Variants in NEXMIF observed in about 807,000 individuals in gnomAD.
The protein encoded by NEXMIF is XLMR protein related to neurite extension.
In NEXMIF, 8 loss-of-function variants were observed where a neutral mutation model predicts 62.1. That is an observed-to-expected ratio of 0.13 (90% confidence interval 0.08 to 0.23). The LOEUF (loss-of-function observed/expected upper bound fraction) is 0.23. Ranked by LOEUF, NEXMIF falls within the 10% of genes least tolerant of loss-of-function variation. The probability of loss-of-function intolerance (pLI) is 1.00; values close to 1 mark genes in which losing one functional copy is unlikely to be tolerated. For synonymous variants in NEXMIF, 404 were observed against 416.6 expected (o/e 0.97, Z 0.37); for missense variants, 976 against 1,113.3 (o/e 0.88, Z 1.75).
rs186218453 is a variant in NEXMIF, at chrX:74,856,245, C to T, written c.-48+68638G>A. Among the ~76,000 whole-genome samples the T allele has an allele frequency of 3.3e-3, 373 of 112,086 alleles. 2 individuals carry two copies. The highest frequency in any genetic ancestry group is 0.012 in the African/African-American group (356 of 30,857). ...AATAAAGACACATAAGTTGTAAAGA[C>T]AAAGTAGACATTCTAGACTCAAAAG... On this transcript the variant is annotated intron_variant, in intron 1 of 3. Coordinates refer to ENST00000055682, the MANE Select transcript of NEXMIF (RefSeq NM_001008537.3).
chrX:74,805,141 T>A (rs1236590406), intron 1 of NEXMIF, among the ~76,000 whole-genome samples: 1 of 112,130 alleles, frequency 8.9e-6, no homozygotes, highest in African/African-American at 3.2e-5. Context: ...TATCTGCAAT[T>A]CAAGACTGTA....
At chrX:74,920,776 T>C (rs1311802987) in intron 1 of NEXMIF, among the ~76,000 whole-genome samples, 1 of 111,914 alleles carries the variant, frequency 8.9e-6, no homozygotes. Flanking sequence ...CGTTTAAGTC[T>C]TTACACCTGT....
Position 74,736,350 on chromosome X carries a change from C to A in NEXMIF, c.*3055G>T, listed in dbSNP as rs926842043. The stretch of plus-strand genomic sequence containing the variant: ...GACCATAAAAGAAAAATTCTAAGAC[C>A]AAGGTCTGAGATTAAGTAAGAAGAA... On this transcript the variant is annotated 3_prime_UTR_variant, in exon 4 of 4. Coordinates refer to ENST00000055682, the MANE Select transcript of NEXMIF (RefSeq NM_001008537.3). 1 of 110,472 alleles carries A rather than the reference C, an allele frequency of 9.1e-6. No homozygotes were observed. Among genetic ancestry groups the A allele is most frequent in the African/African-American group, 3.3e-5 (1 of 30,359 alleles). The allele number at this position is 110,472 out of a possible 1,213,427, so 9.1% of individuals were successfully genotyped here.
intron 1 of NEXMIF, among the ~76,000 whole-genome samples, chrX:74,808,122 G>A (rs1489839320): frequency 9.0e-6 from 1 of 111,020 alleles, no homozygotes. Context: ...TTCTACTTGG[G>A]GCTGGGTGCA....
At chrX:74,818,423 CAGA>C (rs1295164610) in intron 1 of NEXMIF, among the ~76,000 whole-genome samples, 1 of 111,839 alleles carries the variant, frequency 8.9e-6, no homozygotes, top group African/African-American at 3.2e-5. Context: ...TAGCCATGTG[CAGA>C]AGATTAAAAC....
rs1434967747 is a variant in NEXMIF, at chrX:74,841,565, A to G, written c.-48+83318T>C. 2.7e-5 allele frequency among the ~76,000 whole-genome samples: 3 copies of G among 111,680 alleles called. No homozygotes were observed. The East Asian group carries it at 8.5e-4, about 31-fold the overall frequency. On this transcript the variant is annotated intron_variant, in intron 1 of 3. Coordinates refer to ENST00000055682, the MANE Select transcript of NEXMIF (RefSeq NM_001008537.3). ...CATCCTTGTCTTGTGCTGGTTTTCA[A>G]GGGGTATGCTTCCAGCTTTTCCCCA...
At chrX:74,835,447 TGAG>T (rs2080453209) in intron 1 of NEXMIF, among the ~76,000 whole-genome samples, 1 of 111,915 alleles carries the variant, frequency 8.9e-6, no homozygotes, top group East Asian at 2.8e-4. Context: ...CTGCCTTTCT[TGAG>T]GAGGCTTTAC....
intron 1 of NEXMIF, among the ~76,000 whole-genome samples, chrX:74,877,451 A>C (rs2080641008): frequency 9.0e-6 from 1 of 111,035 alleles, no homozygotes; most frequent in African/African-American, 3.3e-5. Flanking sequence ...ACTTTGGTGA[A>C]TCTGACAATT....
rs2080077907 is a variant in NEXMIF at position 74,733,530 on chromosome X, T to A, written c.*5875A>T. ...GTTTTATTTGGGACATAGATTTAATTAGAAATGGTTTGATTTCTAATACAT... is the reference window on the plus strand; with the variant it reads ...GTTTTATTTGGGACATAGATTTAATAAGAAATGGTTTGATTTCTAATACAT... On this transcript the variant is annotated 3_prime_UTR_variant, in exon 4 of 4. Coordinates refer to ENST00000055682, the MANE Select transcript of NEXMIF (RefSeq NM_001008537.3). The A allele has an allele frequency of 8.9e-6, 1 of 112,357 alleles. No homozygotes were observed. Among genetic ancestry groups the A allele is most frequent in the Non-Finnish European group, 1.9e-5 (1 of 53,245 alleles). The allele number at this position is 112,357 out of a possible 1,213,427, so 9.3% of individuals were successfully genotyped here.
chrX:74,880,881 T>A (rs1295287638), intron 1 of NEXMIF, among the ~76,000 whole-genome samples: 1 of 111,659 alleles, frequency 9.0e-6, no homozygotes, highest in South Asian at 3.8e-4. Flanking sequence ...CATCAGTGAC[T>A]GGGTTTGTCA....
chrX:74,802,352 C>T (rs1309634527), intron 1 of NEXMIF, among the ~76,000 whole-genome samples: 1 of 111,286 alleles, frequency 9.0e-6, no homozygotes, highest in Non-Finnish European at 1.9e-5. Context: ...CTCCAGGTGG[C>T]TCAGAACAGA....
chrX:74,744,464 C>T lies in NEXMIF; in HGVS notation c.93G>A (p.Gln31=), dbSNP rs903923211. The T allele has an allele frequency of 2.5e-6, 3 of 1,189,462 alleles. No individual in the cohort carries two copies. Among genetic ancestry groups the T allele is most frequent in the African/African-American group, 3.6e-5 (2 of 56,207 alleles). ...CTGCAAATGACTTCATTGCCACATCCTGGTCCTCTGAGTCTAGAAAAAAGG... is the reference window on the plus strand; with the variant it reads ...CTGCAAATGACTTCATTGCCACATCTTGGTCCTCTGAGTCTAGAAAAAAGG... ...NGVKENDSED[Q]DVAMKSFAAL... Residue 31 remains glutamine, a synonymous_variant, in exon 3 of 4, where the codon CAG becomes CAA. Transcript: ENST00000055682.
chrX:74,780,532 C>A lies in NEXMIF; in HGVS notation c.-47-34835G>T, dbSNP rs180756591. ...TACAGGCGTGTGCCACCATGCCTGG[C>A]TAATTTTTTTTTTTTTGTATTTTCT... On this transcript the variant is annotated intron_variant, in intron 1 of 3. Transcript: ENST00000055682. 8.4e-4 allele frequency among the ~76,000 whole-genome samples: 90 copies of A among 107,714 alleles called. 1 individual carries two copies. Among genetic ancestry groups the A allele is most frequent in the African/African-American group, 2.5e-3 (73 of 29,095 alleles). 93.5% of individuals were successfully genotyped at this position (107,714 alleles called of 115,157 possible).
chrX:74,921,626 T>C (rs946354239), intron 1 of NEXMIF, among the ~76,000 whole-genome samples: 1 of 111,488 alleles, frequency 9.0e-6, no homozygotes, highest in Non-Finnish European at 1.9e-5. Context: ...AACAAGTGCT[T>C]TGTGTCTGAC....
chrX:74,805,627 T>C (rs1037460634), intron 1 of NEXMIF, among the ~76,000 whole-genome samples: 1 of 111,981 alleles, frequency 8.9e-6, no homozygotes, highest in Non-Finnish European at 1.9e-5. Flanking sequence ...TCTTCTATGA[T>C]TTTTGTAGTT....
chrX:74,771,155 T>G (rs1315500119), intron 1 of NEXMIF, among the ~76,000 whole-genome samples: 1 of 111,824 alleles, frequency 8.9e-6, no homozygotes, highest in Non-Finnish European at 1.9e-5. Flanking sequence ...ATAAATTTAT[T>G]TAGTGGCATA....
intron 1 of NEXMIF, among the ~76,000 whole-genome samples, chrX:74,905,837 A>G (rs1490575281): frequency 1.8e-5 from 2 of 112,253 alleles, no homozygotes; most frequent in Non-Finnish European, 3.8e-5. Context: ...AACAAAAAAC[A>G]AAAACAAAAA....
chrX:74,762,622 C>A (rs773157568), intron 1 of NEXMIF, among the ~76,000 whole-genome samples: 2 of 111,541 alleles, frequency 1.8e-5, no homozygotes, highest in South Asian at 3.8e-4. Context: ...CTCTCCAGCA[C>A]CTGTTGTTTC....
At chrX:74,873,859 T>G (rs1401373821) in intron 1 of NEXMIF, among the ~76,000 whole-genome samples, 1 of 111,288 alleles carries the variant, frequency 9.0e-6, no homozygotes, top group Non-Finnish European at 1.9e-5. Flanking sequence ...TTCTTGTAAA[T>G]TTGTTTGAGT....
Sources: gnomAD v4.1 joint callset for allele counts (sites outside exome capture counted in the v4.1 genomes callset) on GRCh38, gnomAD v4.1.1 for gene constraint, MANE v1.5 for transcripts, NCBI Gene and HGNC (gene_info 2026-07-23, HGNC 2026-07-21) for gene names.